The following ARHGAP35 variants were observed in gnomAD, a reference collection of about 807,000 sequenced individuals.
The protein encoded by ARHGAP35 is Rho GTPase activating protein 35.
A neutral mutation model predicts 111.1 loss-of-function variants in ARHGAP35; 15 were observed. The observed-to-expected ratio is 0.13, with a 90% CI of 0.09 to 0.21. The LOEUF (loss-of-function observed/expected upper bound fraction) is 0.21, where lower values mean the gene tolerates loss of function less well. Among genes scored for constraint, ARHGAP35 ranks in the 10% least tolerant of loss-of-function variants. The pLI, the probability that ARHGAP35 is intolerant of heterozygous loss-of-function variation, is 1.00. For missense variants in ARHGAP35, 1,262 were observed against 1,873.0 expected (o/e 0.67, Z 6.02); for synonymous variants, 643 against 710.3 (o/e 0.91, Z 1.51).
chr19:47,001,442 C>G lies in ARHGAP35; in HGVS notation c.*754C>G. 1 of 1,249,024 alleles carries G rather than the reference C, an allele frequency of 8.0e-7. No homozygotes were observed. Among genetic ancestry groups the G allele is most frequent in the Non-Finnish European group, 1.0e-6 (1 of 952,702 alleles). The allele number at this position is 1,249,024 out of a possible 1,614,324, so 77.4% of individuals were successfully genotyped here. A position where few individuals can be genotyped will look rare whatever the true frequency, so the allele number is the denominator to read the frequency against. On this transcript the variant is annotated 3_prime_UTR_variant, in exon 7 of 7. Transcript: ENST00000672722. This position sits in a 1 kb window ranked among gnomAD's most constrained non-coding sequence, Gnocchi z 5.4. ...AAACCACAGAAAGAAAACTACAGAC[C>G]TCAAGATTCCACTCTGTGCCCGCCT...
In ARHGAP35 at chr19:46,918,747, C is replaced by G; in HGVS notation, c.72C>G (p.Thr24=). ...TCAGTGTGGTGGGATTATCTGGGAC[C>G]GAGAAGGAAAAGGGCCAGTGTGGGA... ...YNISVVGLSG[T]EKEKGQCGIG... Residue 24 remains threonine (T), a synonymous_variant, in exon 2 of 7, where the codon ACC becomes ACG. Transcript: ENST00000672722. This position sits in a 1 kb window ranked among gnomAD's most constrained non-coding sequence, Gnocchi z 5.4. 6.2e-7 allele frequency: 1 copy of G among 1,613,884 alleles called. No individual in the cohort carries two copies.
At chr19:46,943,274 T>C (rs2056359662) in intron 3 of ARHGAP35, among the ~76,000 whole-genome samples, 1 of 152,178 alleles carries the variant, frequency 6.6e-6, no homozygotes, top group South Asian at 2.1e-4. Flanking sequence ...TCTTTGGACC[T>C]CTTCAGCATC....
At chr19:46,871,428 C>T (rs1427618039) in intron 1 of ARHGAP35, among the ~76,000 whole-genome samples, 3 of 152,056 alleles carry the variant, frequency 2.0e-5, no homozygotes, top group East Asian at 2.0e-4. Flanking sequence ...CTGCGACCTC[C>T]ACCTCCCAGG....
intron 1 of ARHGAP35, among the ~76,000 whole-genome samples, chr19:46,882,921 C>T (rs1389574718): frequency 6.6e-6 from 1 of 152,154 alleles, no homozygotes; most frequent in South Asian, 2.1e-4. Flanking sequence ...ACTTTTCCTT[C>T]GCTTTAACAA....
chr19:46,872,805 C>T (rs927951733), intron 1 of ARHGAP35, among the ~76,000 whole-genome samples: 14 of 150,166 alleles, frequency 9.3e-5, no homozygotes, highest in African/African-American at 2.2e-4. Context: ...GGCGTGAACC[C>T]GGGAGACGGA....
intron 3 of ARHGAP35, among the ~76,000 whole-genome samples, chr19:46,965,269 C>T (rs1398772707): frequency 6.6e-6 from 1 of 152,130 alleles, no homozygotes; most frequent in African/African-American, 2.4e-5. Flanking sequence ...GCCGAGATTG[C>T]GCCATTGCAC....
chr19:46,941,544 G>A (rs202116051), intron 3 of ARHGAP35, among the ~76,000 whole-genome samples: 1 of 150,442 alleles, frequency 6.6e-6, no homozygotes, highest in Non-Finnish European at 1.5e-5. Context: ...ACTCCAGCCT[G>A]GGCAACAGAG....
At chr19:46,869,671 G>T (rs567700545) in intron 1 of ARHGAP35, among the ~76,000 whole-genome samples, 2 of 152,114 alleles carry the variant, frequency 1.3e-5, no homozygotes, top group Non-Finnish European at 1.5e-5. Context: ...CAATTAAAAA[G>T]AGTTCTTTGT....
intron 1 of ARHGAP35, among the ~76,000 whole-genome samples, chr19:46,904,060 C>T (rs1490651660): frequency 6.6e-6 from 1 of 152,094 alleles, no homozygotes; most frequent in Admixed American, 6.5e-5. Flanking sequence ...TTTTTGTCCC[C>T]TTCCCAGTCA....
Position 46,881,220 on chromosome 19 carries a change from G to A in ARHGAP35, c.-189+20011G>A, listed in dbSNP as rs1006669663. On this transcript the variant is annotated intron_variant, in intron 1 of 6. Transcript: ENST00000672722. ...CTCCCAAAGTGCAGGGATTATAGGC[G>A]TGAGCCACTGCGTCCAGCTCAAGTG... Among the ~76,000 whole-genome samples the A allele has an allele frequency of 3.3e-5, 5 of 152,274 alleles. No individual in the cohort carries two copies. The South Asian group carries it at 8.3e-4, about 25-fold the overall frequency.
intron 1 of ARHGAP35, among the ~76,000 whole-genome samples, chr19:46,877,251 A>G (rs1466130340): frequency 3.8e-5 from 3 of 78,114 alleles, no homozygotes; most frequent in African/African-American, 1.2e-4. Context: ...ACTGTCTCAA[A>G]AAAAAAAAAA....
intron 3 of ARHGAP35, among the ~76,000 whole-genome samples, chr19:46,951,862 G>A (rs957280669): frequency 2.0e-5 from 3 of 152,168 alleles, no homozygotes; most frequent in Non-Finnish European, 4.4e-5. Context: ...CATTCCTCAT[G>A]TCATAGCAGG....
At chr19:46,984,994 G>A (rs772549414) in intron 3 of ARHGAP35, among the ~76,000 whole-genome samples, 24 of 152,286 alleles carry the variant, frequency 1.6e-4, no homozygotes, top group Admixed American at 4.6e-4. Context: ...ACTCAGGAAC[G>A]GTGACATTGC....
intron 3 of ARHGAP35, among the ~76,000 whole-genome samples, chr19:46,943,639 A>G (rs954888489): frequency 1.4e-4 from 22 of 152,160 alleles, no homozygotes; most frequent in African/African-American, 4.8e-4. Context: ...GACATTCCCA[A>G]TGAAACTTGT....
intron 3 of ARHGAP35, among the ~76,000 whole-genome samples, chr19:46,938,486 G>A (rs908350950): frequency 6.6e-6 from 1 of 150,934 alleles, no homozygotes; most frequent in East Asian, 2.0e-4. Flanking sequence ...CTGAGTAGCT[G>A]GGATTACAGG....
chr19:46,960,127 A>AG (rs2056470910), intron 3 of ARHGAP35, among the ~76,000 whole-genome samples: 1 of 150,710 alleles, frequency 6.6e-6, no homozygotes, highest in Admixed American at 6.6e-5. Context: ...AAAAAAAAAA[A>AG]GAAAGAAAGA....
Position 46,926,642 on chromosome 19 carries a change from A to C in ARHGAP35, c.3681+4286A>C, listed in dbSNP as rs2056239904. Among the ~76,000 whole-genome samples, 1 of 151,884 alleles carries C rather than the reference A, an allele frequency of 6.6e-6. No homozygotes were observed. ...TTATTTTGGTGCTAAAAAAAAAAAG[A>C]CAAAACAGAATGATAAAGAAAATCT... On this transcript the variant is annotated intron_variant, in intron 2 of 6. Coordinates refer to ENST00000672722, the MANE Select transcript of ARHGAP35 (RefSeq NM_004491.5). The surrounding 1 kb of genome is among the most constrained non-coding windows in gnomAD (Gnocchi z 4.1).
intron 1 of ARHGAP35, among the ~76,000 whole-genome samples, chr19:46,888,087 G>A (rs1325362354): frequency 6.7e-6 from 1 of 149,858 alleles, no homozygotes; most frequent in Non-Finnish European, 1.5e-5. Context: ...GAGTAGCTGG[G>A]ACTACAGGCG....
intron 1 of ARHGAP35, among the ~76,000 whole-genome samples, chr19:46,916,360 G>A (rs76917906): frequency 5.8e-5 from 8 of 138,534 alleles, no homozygotes; most frequent in Non-Finnish European, 9.3e-5. Flanking sequence ...TTTTTTTTGC[G>A]GAGGGAAGGG....
Sources: gnomAD v4.1 joint callset for allele counts (sites outside exome capture counted in the v4.1 genomes callset) on GRCh38, gnomAD v4.1.1 for gene constraint, Gnocchi (gnomAD v3.1) non-coding constraint, MANE v1.5 for transcripts, NCBI Gene and HGNC (gene_info 2026-07-23, HGNC 2026-07-21) for gene names.